Variants in IQSEC1 observed in about 807,000 individuals in gnomAD.
The protein encoded by IQSEC1 is IQ motif and SEC7 domain-containing protein 1.
IQSEC1 carries 31 observed loss-of-function variants against 91.0 expected under a neutral mutation model. That is an observed-to-expected ratio of 0.34 (90% CI 0.26 to 0.46). The LOEUF (loss-of-function observed/expected upper bound fraction) is 0.46. Among genes scored for constraint, IQSEC1 ranks in the 20% least tolerant of loss-of-function variants. IQSEC1 has a pLI of 1.00. For missense variants in IQSEC1, 1,388 were observed against 1,575.6 expected (o/e 0.88, Z 2.02); for synonymous variants, 699 against 662.6 (o/e 1.05, Z -0.84).
chr3:13,251,921 T>C (rs1268865349), intron 1 of IQSEC1, among the ~76,000 whole-genome samples: 1 of 152,206 alleles, frequency 6.6e-6, no homozygotes, highest in African/African-American at 2.4e-5. Flanking sequence ...AATGAGTTTC[T>C]GACCTCATGT....
At chr3:13,183,800 T>A (rs1693885776) in intron 1 of IQSEC1, among the ~76,000 whole-genome samples, 1 of 152,126 alleles carries the variant, frequency 6.6e-6, no homozygotes, top group African/African-American at 2.4e-5. Context: ...AGGCTATAGT[T>A]TGCTGACCCA....
rs556299582 is a variant in IQSEC1, at chr3:13,055,294, T to C, written c.23+17698A>G. ...GCCCAGGGTAGCGAGGCGGAAGCCC[T>C]GGGGTGAGACTTGTCTGGGCCTCAG... On this transcript the variant is annotated intron_variant, in intron 1 of 13. Coordinates refer to ENST00000613206, the MANE Select transcript of IQSEC1 (RefSeq NM_001134382.3). Among the ~76,000 whole-genome samples the C allele has an allele frequency of 2.5e-4, 38 of 152,276 alleles. No individual in the cohort carries two copies. In the South Asian group the frequency reaches 7.5e-3, roughly 30 times the overall value.
intron 1 of IQSEC1, among the ~76,000 whole-genome samples, chr3:13,231,582 A>G (rs1046286287): frequency 2.6e-5 from 4 of 152,088 alleles, no homozygotes; most frequent in African/African-American, 9.7e-5. Context: ...TATCAACATG[A>G]TGGGGATTAG....
intron 1 of IQSEC1, among the ~76,000 whole-genome samples, chr3:12,963,961 C>T (rs1700398257): frequency 6.6e-6 from 1 of 152,242 alleles, no homozygotes; most frequent in African/African-American, 2.4e-5. Flanking sequence ...TGCTTTCATT[C>T]ACTGACAACT....
chr3:12,960,974 G>T (rs747311047), intron 1 of IQSEC1, among the ~76,000 whole-genome samples: 1 of 152,234 alleles, frequency 6.6e-6, no homozygotes, highest in Non-Finnish European at 1.5e-5. Context: ...ACACATCCAG[G>T]AAAGGGCAGA....
chr3:13,105,014 T>C (rs899164843), intron 2 of IQSEC1, among the ~76,000 whole-genome samples: 6 of 152,242 alleles, frequency 3.9e-5, no homozygotes, highest in African/African-American at 1.4e-4. Flanking sequence ...CATGATCACA[T>C]TTAAAAAGTC....
chr3:13,021,162 T>C (rs1339981545), intron 1 of IQSEC1, among the ~76,000 whole-genome samples: 2 of 152,202 alleles, frequency 1.3e-5, no homozygotes, highest in Admixed American at 6.5e-5. Context: ...GGGCCCCGTG[T>C]AGTTCCCCTT....
chr3:13,118,885 C>T (rs933024668), intron 2 of IQSEC1, among the ~76,000 whole-genome samples: 4 of 152,046 alleles, frequency 2.6e-5, no homozygotes, highest in Admixed American at 2.6e-4. Flanking sequence ...TCATCCTGGA[C>T]AACATGGTGA....
intron 1 of IQSEC1, among the ~76,000 whole-genome samples, chr3:12,963,351 T>C (rs3816058): frequency 0.14 from 21,938 of 152,180 alleles, 1,636 homozygotes; most frequent in African/African-American, 0.17. Context: ...AAAAAAGAAA[T>C]TCAAGTCAGA....
At position 12,899,963 on chromosome 3, in the gene IQSEC1, A is replaced by G; in HGVS notation, c.*1020T>C. The G allele has an allele frequency of 7.1e-6, 7 of 985,318 alleles. No individual in the cohort carries two copies. The highest frequency in any genetic ancestry group is 8.4e-6 in the Non-Finnish European group (7 of 829,900). The allele number at this position is 985,318 out of a possible 1,614,324, so 61.0% of individuals were successfully genotyped here. A position where few individuals can be genotyped will look rare whatever the true frequency, so the allele number is the denominator to read the frequency against. On this transcript the variant is annotated 3_prime_UTR_variant, in exon 14 of 14. Transcript: ENST00000613206. ...AGTGTGCGTCAAATCATATGCGCAT[A>G]AAAGAAACATGGATCATGGAGAGTC...
In IQSEC1 at chr3:12,921,113, CCT is replaced by C. The variant is rs372847881; in HGVS notation, c.1854-519_1854-518del. Among the ~76,000 whole-genome samples the C allele has an allele frequency of 2.8e-4, 43 of 152,242 alleles. No individual in the cohort carries two copies. In the South Asian group the frequency reaches 8.7e-3, roughly 31 times the overall value. ...GGACCGACTGCTGCAAGAACACCCC[CCT>C]GCCTTGGAGTCAGCCCGCTTGCCAC... On this transcript the variant is annotated intron_variant, in intron 5 of 13. Coordinates refer to ENST00000613206, the MANE Select transcript of IQSEC1 (RefSeq NM_001134382.3).
At chr3:13,089,664 A>G in intron 2 of IQSEC1, among the ~76,000 whole-genome samples, 1 of 152,222 alleles carries the variant, frequency 6.6e-6, no homozygotes, top group East Asian at 1.9e-4. Flanking sequence ...TGCTAAGTTA[A>G]AGAAGCCAGA....
intron 1 of IQSEC1, among the ~76,000 whole-genome samples, chr3:13,232,112 T>G (rs1694848212): frequency 1.3e-5 from 2 of 152,248 alleles, no homozygotes; most frequent in Admixed American, 6.5e-5. Context: ...ACTGGTTTTT[T>G]TATAAAATAC....
Position 13,251,780 on chromosome 3 carries a change from G to A in IQSEC1, c.272+30931C>T, listed in dbSNP as rs151309710. On this transcript the variant is annotated intron_variant, in intron 1 of 15. Coordinates refer to the IQSEC1 transcript ENST00000648114. Reference sequence around the variant, plus strand: ...AAGAAGACTCCTGACAGGAGGGACCGAGCCAAGGCAGCTGAGCCAGCTAGG... The same window carrying A: ...AAGAAGACTCCTGACAGGAGGGACCAAGCCAAGGCAGCTGAGCCAGCTAGG... Among the ~76,000 whole-genome samples the A allele has an allele frequency of 2.2e-3, 332 of 152,306 alleles. 1 individual carries two copies. Among genetic ancestry groups the A allele is most frequent in the Non-Finnish European group, 1.7e-3 (115 of 68,020 alleles).
chr3:13,264,882 GTCTC>G (rs1178113272), intron 1 of IQSEC1, among the ~76,000 whole-genome samples: 15 of 150,438 alleles, frequency 1.0e-4, no homozygotes, highest in African/African-American at 3.4e-4. Context: ...CCCTCTCTCT[GTCTC>G]TCTCTGTCTC....
intron 1 of IQSEC1, among the ~76,000 whole-genome samples, chr3:12,978,958 T>TA (rs1257278212): frequency 2.6e-5 from 4 of 152,190 alleles, no homozygotes; most frequent in Non-Finnish European, 4.4e-5. Flanking sequence ...AAGGCTTGGT[T>TA]AACTTGGAAA....
chr3:13,139,489 C>T (rs960827620), intron 2 of IQSEC1, among the ~76,000 whole-genome samples: 1 of 152,340 alleles, frequency 6.6e-6, no homozygotes, highest in South Asian at 2.1e-4. Flanking sequence ...CCCTGAGGGG[C>T]CACAGTCCCT....
intron 1 of IQSEC1, among the ~76,000 whole-genome samples, chr3:13,232,699 T>G (rs1694858248): frequency 6.6e-6 from 1 of 152,078 alleles, no homozygotes; most frequent in Non-Finnish European, 1.5e-5. Flanking sequence ...AATGATAAAA[T>G]TATGTATTAA....
intron 1 of IQSEC1, among the ~76,000 whole-genome samples, chr3:13,231,583 TG>T (rs1400249751): frequency 1.9e-4 from 29 of 152,190 alleles, no homozygotes; most frequent in African/African-American, 7.0e-4. Context: ...ATCAACATGA[TG>T]GGGATTAGGG....
Sources: gnomAD v4.1 joint callset for allele counts (sites outside exome capture counted in the v4.1 genomes callset) on GRCh38, gnomAD v4.1.1 for gene constraint, MANE v1.5 for transcripts, NCBI Gene and HGNC (gene_info 2026-07-23, HGNC 2026-07-21) for gene names.